The following KCNH8 variants were observed in gnomAD, a reference collection of about 807,000 sequenced individuals.
KCNH8 encodes potassium voltage-gated channel subfamily H member 8.
In KCNH8, 70 loss-of-function variants were observed where a neutral mutation model predicts 103.6. The observed-to-expected ratio is 0.68, with a 90% CI of 0.56 to 0.82. The LOEUF is 0.82. Among genes scored for constraint, KCNH8 ranks in the 40% least tolerant of loss-of-function variants. The pLI, the probability that KCNH8 is intolerant of heterozygous loss-of-function variation, is 0.00. For synonymous variants in KCNH8, 498 were observed against 489.4 expected (o/e 1.02, Z -0.23); for missense variants, 1,217 against 1,329.9 (o/e 0.92, Z 1.32).
intron 7 of KCNH8, among the ~76,000 whole-genome samples, chr3:19,436,099 T>G (rs563437214): frequency 6.6e-6 from 1 of 152,322 alleles, no homozygotes; most frequent in African/African-American, 2.4e-5. Context: ...TAGGAATGAC[T>G]GTGAAGTCAT....
chr3:19,216,756 C>T (rs2063822128), intron 1 of KCNH8, among the ~76,000 whole-genome samples: 1 of 152,148 alleles, frequency 6.6e-6, no homozygotes, highest in Non-Finnish European at 1.5e-5. Flanking sequence ...TTTATGTTCT[C>T]TTCAGTTTTG....
intron 2 of KCNH8, among the ~76,000 whole-genome samples, 165 bp downstream of exon 2, chr3:19,254,052 A>G (rs556638647): frequency 6.6e-6 from 1 of 152,226 alleles, no homozygotes; most frequent in East Asian, 1.9e-4. Context: ...TGTTTTAACC[A>G]TAAGCAGCAT....
At chr3:19,439,077 T>A (rs1363588096) in intron 8 of KCNH8, among the ~76,000 whole-genome samples, 1 of 152,198 alleles carries the variant, frequency 6.6e-6, no homozygotes, top group Admixed American at 6.5e-5. Context: ...ACTCATTTTA[T>A]AAGACTCAAT....
intron 1 of KCNH8, among the ~76,000 whole-genome samples, chr3:19,202,327 C>T (rs2063671357): frequency 1.3e-5 from 2 of 152,098 alleles, no homozygotes; most frequent in Non-Finnish European, 2.9e-5. Context: ...ACTTTGTTTG[C>T]ATCTCCTGCC....
chr3:19,205,201 AT>A (rs1297589340), intron 1 of KCNH8, among the ~76,000 whole-genome samples: 1 of 151,990 alleles, frequency 6.6e-6, no homozygotes, highest in Non-Finnish European at 1.5e-5. Context: ...ATAAATGCAT[AT>A]TTTTAATATA....
intron 1 of KCNH8, among the ~76,000 whole-genome samples, chr3:19,168,970 G>A (rs1400028380): frequency 6.6e-6 from 1 of 152,062 alleles, no homozygotes; most frequent in Non-Finnish European, 1.5e-5. Flanking sequence ...CCATCCCTCC[G>A]CCAACAGGAG....
intron 3 of KCNH8, among the ~76,000 whole-genome samples, chr3:19,297,892 A>T (rs2065016103): frequency 3.3e-5 from 5 of 152,212 alleles, no homozygotes; most frequent in Admixed American, 3.3e-4. Context: ...ACCGCTGGCT[A>T]GCCATTTTAT....
In KCNH8 at chr3:19,290,517, G is replaced by T. The variant is rs576385415; in HGVS notation, c.442+9188G>T. 1.8e-4 allele frequency among the ~76,000 whole-genome samples: 27 copies of T among 152,244 alleles called. No individual in the cohort carries two copies. In the East Asian group the frequency reaches 4.8e-3, roughly 27 times the overall value. On this transcript the variant is annotated intron_variant, in intron 3 of 15. Transcript: ENST00000328405. ...CTATTGAGATAATCATGTGGTTTTT[G>T]TCTTTGGTTCTGTTTATATGCTGGA...
intron 1 of KCNH8, among the ~76,000 whole-genome samples, chr3:19,211,889 AC>A (rs1307877631): frequency 1.3e-5 from 2 of 152,208 alleles, no homozygotes; most frequent in African/African-American, 4.8e-5. Flanking sequence ...AAATAATAGT[AC>A]TAGTGTTAGG....
rs77225950 is a variant in KCNH8 at position 19,288,240 on chromosome 3, T to A, written c.442+6911T>A. On this transcript the variant is annotated intron_variant, in intron 3 of 15. Transcript: ENST00000328405. ...ATTAAAGCTAGTTTATTTATTTTTTTAATTATACTTTAACTTTTGGGGTAC... is the reference window on the plus strand; with the variant it reads ...ATTAAAGCTAGTTTATTTATTTTTTAAATTATACTTTAACTTTTGGGGTAC... 1.6e-3 allele frequency among the ~76,000 whole-genome samples: 239 copies of A among 149,790 alleles called. 8 individuals are homozygous for A. The East Asian group carries it at 0.034, about 21-fold the overall frequency.
chr3:19,501,023 C>T (rs1310203891), intron 11 of KCNH8, among the ~76,000 whole-genome samples: 2 of 151,956 alleles, frequency 1.3e-5, no homozygotes, highest in Non-Finnish European at 2.9e-5. Context: ...AATTGACAGA[C>T]CACTAGCAAG....
chr3:19,452,118 C>T (rs904112656), intron 10 of KCNH8, among the ~76,000 whole-genome samples: 1 of 152,112 alleles, frequency 6.6e-6, no homozygotes, highest in Non-Finnish European at 1.5e-5. Context: ...GGCACGGTGG[C>T]TCATGCCTGT....
chr3:19,388,113 G>A (rs761943966), intron 5 of KCNH8, among the ~76,000 whole-genome samples: 1 of 151,998 alleles, frequency 6.6e-6, no homozygotes, highest in Non-Finnish European at 1.5e-5. Flanking sequence ...GGTTTTCCAT[G>A]AAAACTGTGG....
At chr3:19,180,563 T>A (rs1174262049) in intron 1 of KCNH8, among the ~76,000 whole-genome samples, 1 of 152,182 alleles carries the variant, frequency 6.6e-6, no homozygotes, top group African/African-American at 2.4e-5. Flanking sequence ...GTTGCCTTAT[T>A]TCGGGCAGGT....
chr3:19,451,430 T>G, intron 10 of KCNH8, 26 bp downstream of exon 10: 1 of 1,606,786 alleles, frequency 6.2e-7, no homozygotes, highest in East Asian at 2.2e-5. Context: ...AAAACTTGTA[T>G]GAAATTTGAC....
intron 7 of KCNH8, among the ~76,000 whole-genome samples, chr3:19,436,009 T>A (rs1338614558): frequency 1.3e-5 from 2 of 152,160 alleles, no homozygotes; most frequent in African/African-American, 2.4e-5. Flanking sequence ...AGTATGTAAT[T>A]AAGCAAAATA....
At chr3:19,241,328 C>G (rs1006652226) in intron 1 of KCNH8, among the ~76,000 whole-genome samples, 6 of 152,086 alleles carry the variant, frequency 3.9e-5, no homozygotes, top group Non-Finnish European at 8.8e-5. Flanking sequence ...TCATACGATT[C>G]AACTACTTCA....
chr3:19,284,482 A>C (rs909636831), intron 3 of KCNH8, among the ~76,000 whole-genome samples: 1 of 150,096 alleles, frequency 6.7e-6, no homozygotes, highest in African/African-American at 2.4e-5. Context: ...TTGTATGTAC[A>C]ATAGCTTTCA....
chr3:19,331,855 A>G (rs1482152362), intron 3 of KCNH8, among the ~76,000 whole-genome samples: 1 of 152,158 alleles, frequency 6.6e-6, no homozygotes, highest in East Asian at 1.9e-4. Flanking sequence ...ATCTAACTAT[A>G]TTTGTGTACC....
Sources: gnomAD v4.1 joint callset for allele counts (sites outside exome capture counted in the v4.1 genomes callset) on GRCh38, gnomAD v4.1.1 for gene constraint, MANE v1.5 for transcripts, NCBI Gene and HGNC (gene_info 2026-07-23, HGNC 2026-07-21) for gene names.